ENTPD7: variants seen among roughly 807,000 people sequenced by gnomAD.
The protein encoded by ENTPD7 is NTPDase 7.
Under a neutral mutation model 77.9 loss-of-function variants are expected in ENTPD7, and 53 were observed. The ratio of observed to expected loss-of-function variants is 0.68; its 90% CI spans 0.55 to 0.85. ENTPD7 has a LOEUF of 0.85. Among genes scored for constraint, ENTPD7 ranks in the 40% least tolerant of loss-of-function variants. The pLI, the probability that ENTPD7 is intolerant of heterozygous loss-of-function variation, is 0.00. For missense variants in ENTPD7, 636 were observed against 743.7 expected (o/e 0.86, Z 1.68); for synonymous variants, 248 against 274.9 (o/e 0.90, Z 0.97).
chr10:99,679,745 A>G lies in ENTPD7; in HGVS notation c.418A>G (p.Thr140Ala), dbSNP rs1324923427. The G allele has an allele frequency of 2.5e-6, 4 of 1,608,666 alleles. No individual in the cohort carries two copies. The East Asian group carries it at 6.7e-5, about 27-fold the overall frequency. The change falls in exon 5 of 13, where the codon ACT becomes GCT. Residue 140 changes from threonine to alanine, a missense_variant. This residue lies in a region of ENTPD7 where 486 missense variants were observed against 556.5 expected (regional missense o/e 0.87). Transcript: ENST00000370489. ...TTAAGGAATCTCTGCAATGGCAGAC[A>G]CTCCAGAACATGCCAGTGATTACCT... is the stretch of plus-strand genomic sequence containing the variant. ...IKPGISAMAD[T>A]PEHASDYLRP...
chr10:99,687,249 T>TTCTC (rs2035825100), intron 6 of ENTPD7, among the ~76,000 whole-genome samples: 1 of 20,366 alleles, frequency 4.9e-5, no homozygotes, highest in Non-Finnish European at 1.2e-4. Flanking sequence ...TTTTCTTTCT[T>TTCTC]TCTTTCTTTC....
intron 3 of ENTPD7, among the ~76,000 whole-genome samples, chr10:99,672,036 T>C (rs2035623933): frequency 6.6e-6 from 1 of 152,218 alleles, no homozygotes; most frequent in South Asian, 2.1e-4. Flanking sequence ...ATGGTGAAAT[T>C]GAAAGCATTT....
intron 3 of ENTPD7, 134 bp downstream of exon 3, chr10:99,661,762 A>T: frequency 1.2e-6 from 1 of 810,804 alleles, no homozygotes; most frequent in Non-Finnish European, 1.8e-6. Flanking sequence ...TTACATAAAG[A>T]AGATTTTAAG....
At position 99,711,072 on chromosome 10, in the gene ENTPD7, G is replaced by A; in HGVS notation, c.*6389G>A. On this transcript the variant is annotated 3_prime_UTR_variant, in exon 13 of 13. Transcript: ENST00000370489. ...TTCACTAATTCAATATTTGATATGT[G>A]TCTGGGAGTGCTGGGAATAACATAA... The A allele has an allele frequency of 1.0e-6, 1 of 978,328 alleles. No homozygotes were observed. The highest frequency in any genetic ancestry group is 1.2e-6 in the Non-Finnish European group (1 of 828,172). The allele number at this position is 978,328 out of a possible 1,614,324, so 60.6% of individuals were successfully genotyped here.
At chr10:99,669,996 G>A (rs1339032514) in intron 3 of ENTPD7, among the ~76,000 whole-genome samples, 4 of 151,868 alleles carry the variant, frequency 2.6e-5, no homozygotes, top group East Asian at 1.9e-4. Flanking sequence ...TGATCCACCC[G>A]CCTCGGCCTC....
At chr10:99,669,724 T>A (rs1406419826) in intron 3 of ENTPD7, among the ~76,000 whole-genome samples, 2 of 150,356 alleles carry the variant, frequency 1.3e-5, no homozygotes, top group Non-Finnish European at 3.0e-5. Flanking sequence ...AGAATAATAC[T>A]TGTGTTAGAT....
At chr10:99,679,167 C>T in intron 3 of ENTPD7, 94 bp from the exon 4 acceptor site, 7 of 1,191,438 alleles carry the variant, frequency 5.9e-6, no homozygotes, top group Non-Finnish European at 2.4e-6. Flanking sequence ...CACATGTAGG[C>T]ACTTAATGAA....
intron 7 of ENTPD7, among the ~76,000 whole-genome samples, chr10:99,689,458 A>G (rs947379462): frequency 1.3e-5 from 2 of 152,166 alleles, no homozygotes; most frequent in African/African-American, 4.8e-5. Flanking sequence ...GATTTGATTG[A>G]CTGCATCTTT....
chr10:99,664,150 T>C (rs1304226270), intron 3 of ENTPD7, among the ~76,000 whole-genome samples: 1 of 152,232 alleles, frequency 6.6e-6, no homozygotes, highest in Non-Finnish European at 1.5e-5. Flanking sequence ...GGTCTATATT[T>C]CTTTATAGCA....
rs574564475 is a variant in ENTPD7, at chr10:99,702,632, G to A, written c.1542G>A (p.Thr514=). The A allele has an allele frequency of 5.0e-5, 80 of 1,613,540 alleles. No homozygotes were observed. In the South Asian group the frequency reaches 7.1e-4, roughly 14 times the overall value. The change falls in exon 12 of 13, where the codon ACG becomes ACA. Residue 514 remains threonine (T), a synonymous_variant. Coordinates refer to ENST00000370489, the MANE Select transcript of ENTPD7 (RefSeq NM_020354.5). ...QLVYDREVQW[T]LGAILYKTRF... is the part of the protein sequence containing the mutation. ...TGTATGACCGAGAGGTTCAGTGGACGCTGGGAGCCATTCTATATAAAACAC... is the reference window on the plus strand; with the variant it reads ...TGTATGACCGAGAGGTTCAGTGGACACTGGGAGCCATTCTATATAAAACAC...
At position 99,678,250 on chromosome 10, in the gene ENTPD7, C is replaced by T. The variant is rs111440443; in HGVS notation, c.192-1011C>T. 9.4e-3 allele frequency among the ~76,000 whole-genome samples: 1,401 copies of T among 149,828 alleles called. 10 individuals carry two copies. The highest frequency in any genetic ancestry group is 0.014 in the Non-Finnish European group (974 of 67,248). ...TTGGGAGGCTGAGGCAGGCGGATCACGAGGTCAGGAGATCGAGACCATCCT... is the reference window on the plus strand; with the variant it reads ...TTGGGAGGCTGAGGCAGGCGGATCATGAGGTCAGGAGATCGAGACCATCCT... On this transcript the variant is annotated intron_variant, in intron 3 of 12. Transcript: ENST00000370489.
intron 2 of ENTPD7, chr10:99,660,423 C>A: frequency 9.5e-7 from 1 of 1,047,654 alleles, no homozygotes. Flanking sequence ...TAATGTGGAT[C>A]TACATGCACC....
At chr10:99,694,292 G>A (rs1037609921) in intron 8 of ENTPD7, among the ~76,000 whole-genome samples, 2 of 152,142 alleles carry the variant, frequency 1.3e-5, no homozygotes, top group Non-Finnish European at 1.5e-5. Context: ...CATACAATAT[G>A]TGGTGTTTTA....
At chr10:99,704,424 C>T (rs1263467671) in intron 12 of ENTPD7, 28 bp from the exon 13 acceptor site, 10 of 1,610,406 alleles carry the variant, frequency 6.2e-6, no homozygotes, top group Admixed American at 5.0e-5. Flanking sequence ...CAGTTTTTTC[C>T]ACCTACAAAT....
chr10:99,672,103 T>A (rs1041010592), intron 3 of ENTPD7, among the ~76,000 whole-genome samples: 1 of 152,146 alleles, frequency 6.6e-6, no homozygotes, highest in Non-Finnish European at 1.5e-5. Context: ...TGCCTCAGCC[T>A]TCCTAATAGC....
chr10:99,703,051 G>A (rs953313596), intron 12 of ENTPD7, among the ~76,000 whole-genome samples: 1 of 152,184 alleles, frequency 6.6e-6, no homozygotes, highest in African/African-American at 2.4e-5. Context: ...AAGAACAGGG[G>A]TAGGATGTCT....
rs781027538 is a variant in ENTPD7, at chr10:99,698,851, C to T, written c.1328C>T (p.Ala443Val). Reference protein sequence around the residue: ...GRYHGPTFAKAAQDYCGMAWS... With the variant: ...GRYHGPTFAKVAQDYCGMAWS... ...TACCATGGGCCAACATTTGCCAAGG[C>T]TGCTCAGGTAAATTATTAATGATAA... The change falls in exon 10 of 13, where the codon GCT becomes GTT. Residue 443 changes from alanine (A) to valine (V), a missense_variant. By Grantham distance (64) the Ala-to-Val change is moderately conservative. Around this residue, in one of 3 missense-constraint regions of ENTPD7, gnomAD observed 486 missense variants for 556.5 expected, o/e 0.87. Coordinates refer to ENST00000370489, the MANE Select transcript of ENTPD7 (RefSeq NM_020354.5). The T allele has an allele frequency of 6.3e-7, 1 of 1,594,918 alleles. No individual in the cohort carries two copies. Among genetic ancestry groups the T allele is most frequent in the Non-Finnish European group, 8.5e-7 (1 of 1,170,120 alleles).
chr10:99,711,135 C>T lies in ENTPD7; in HGVS notation c.*6452C>T. 1.0e-6 allele frequency: 1 copy of T among 984,946 alleles called. No homozygotes were observed. Among genetic ancestry groups the T allele is most frequent in the African/African-American group, 1.7e-5 (1 of 57,302 alleles). 61.0% of individuals were successfully genotyped at this position (984,946 alleles called of 1,614,324 possible). A position where few individuals can be genotyped will look rare whatever the true frequency, so the allele number is the denominator to read the frequency against. ...CCCTAAGATAATCATTCACCAGAAG[C>T]TCATAGATATAATACAGTTATATAG... On this transcript the variant is annotated 3_prime_UTR_variant, in exon 13 of 13. Transcript: ENST00000370489.
rs2036339265 is a variant in ENTPD7, at chr10:99,710,251, A to G, written c.*5568A>G. ...AAGACGCCCCTTACTAGCTTCATAA[A>G]TGTTTTTCTGCAAGCAGGGATCCCA... On this transcript the variant is annotated 3_prime_UTR_variant, in exon 13 of 13. Coordinates refer to ENST00000370489, the MANE Select transcript of ENTPD7 (RefSeq NM_020354.5). 1 of 985,362 alleles carries G rather than the reference A, an allele frequency of 1.0e-6. No homozygotes were observed. The highest frequency in any genetic ancestry group is 1.2e-6 in the Non-Finnish European group (1 of 829,920). 61.0% of individuals were successfully genotyped at this position (985,362 alleles called of 1,614,324 possible). A position where few individuals can be genotyped will look rare whatever the true frequency, so the allele number is the denominator to read the frequency against.
Sources: allele counts gnomAD v4.1 joint callset (sites outside exome capture counted in the v4.1 genomes callset), GRCh38; gene constraint gnomAD v4.1.1; regional missense constraint gnomAD v4.1.1; transcripts MANE v1.5; gene names NCBI Gene and HGNC (gene_info 2026-07-23, HGNC 2026-07-21).